GLIS3: variants seen among roughly 807,000 people sequenced by gnomAD.
GLIS3 encodes the protein GLIS family zinc finger 3.
A neutral mutation model predicts 78.6 loss-of-function variants in GLIS3; 53 were observed. That is an observed-to-expected ratio of 0.67 (90% CI 0.54 to 0.85). GLIS3 has a LOEUF of 0.85. GLIS3 is among the 40% of genes least tolerant of loss of function. The pLI, the probability that GLIS3 is intolerant of heterozygous loss-of-function variation, is 0.00. For missense variants in GLIS3, 1,703 were observed against 1,231.1 expected (o/e 1.38, Z -5.74); for synonymous variants, 684 against 509.9 (o/e 1.34, Z -4.60).
intron 1 of GLIS3, among the ~76,000 whole-genome samples, chr9:4,347,848 T>G (rs1001387330): frequency 6.6e-6 from 1 of 152,222 alleles, no homozygotes; most frequent in Non-Finnish European, 1.5e-5. Context: ...TGGGTAATTT[T>G]TTTAGCCTTT....
the GLIS3 span, among the ~76,000 whole-genome samples, chr9:4,429,728 A>G: frequency 6.6e-6 from 1 of 152,170 alleles, no homozygotes; most frequent in Admixed American, 6.5e-5. Flanking sequence ...TCTGTGTCAG[A>G]CACAGAGTAA....
the GLIS3 span, among the ~76,000 whole-genome samples, chr9:4,457,520 C>A: frequency 2.0e-5 from 3 of 151,988 alleles, no homozygotes; most frequent in African/African-American, 7.3e-5. Context: ...TGGACACATA[C>A]ATCTTTGGGC....
intron 2 of GLIS3, among the ~76,000 whole-genome samples, chr9:4,240,530 TA>T (rs1192720104): frequency 6.6e-6 from 1 of 152,020 alleles, no homozygotes; most frequent in Non-Finnish European, 1.5e-5. Context: ...AAAAAACTAG[TA>T]AAAATTATAA....
At chr9:4,013,051 G>A (rs1318431403) in intron 4 of GLIS3, among the ~76,000 whole-genome samples, 2 of 152,118 alleles carry the variant, frequency 1.3e-5, no homozygotes, top group Admixed American at 6.5e-5. Context: ...GGGATTACAG[G>A]TGTCTCTGGT....
At chr9:4,026,126 T>C (rs957146014) in intron 4 of GLIS3, among the ~76,000 whole-genome samples, 3 of 152,202 alleles carry the variant, frequency 2.0e-5, no homozygotes, top group African/African-American at 7.2e-5. Flanking sequence ...CTACAAAGGC[T>C]TTCTTCCAAC....
chr9:4,098,502 T>C (rs144531737), intron 4 of GLIS3, among the ~76,000 whole-genome samples: 147 of 152,284 alleles, frequency 9.7e-4, no homozygotes, highest in Non-Finnish European at 1.3e-3. Flanking sequence ...ACCCATAGGT[T>C]TGGCAGCAGA....
chr9:4,143,648 C>T (rs1176763132), intron 2 of GLIS3, among the ~76,000 whole-genome samples: 1 of 152,186 alleles, frequency 6.6e-6, no homozygotes, highest in Non-Finnish European at 1.5e-5. Context: ...ATGGTCACCA[C>T]ATTGTGCATG....
upstream of GLIS3, among the ~76,000 whole-genome samples, chr9:4,304,582 A>G (rs1817180035): frequency 1.3e-5 from 2 of 152,194 alleles, no homozygotes; most frequent in Admixed American, 6.5e-5. Context: ...AAAAGGGAAG[A>G]AAAGAAATGG....
intron 4 of GLIS3, among the ~76,000 whole-genome samples, chr9:3,991,609 C>T (rs1446640414): frequency 2.0e-5 from 3 of 150,262 alleles, no homozygotes; most frequent in Non-Finnish European, 4.4e-5. Flanking sequence ...ATTATACTTT[C>T]ATATTTTAAC....
intron 2 of GLIS3, among the ~76,000 whole-genome samples, chr9:4,237,019 T>C (rs1411489791): frequency 6.6e-6 from 1 of 152,096 alleles, no homozygotes; most frequent in Non-Finnish European, 1.5e-5. Context: ...ATTAGGCACA[T>C]GTGGCCACTC....
intron 2 of GLIS3, among the ~76,000 whole-genome samples, chr9:4,273,406 A>G (rs1254273068): frequency 6.6e-6 from 1 of 151,972 alleles, no homozygotes; most frequent in African/African-American, 2.4e-5. Flanking sequence ...ACCAGCCTGG[A>G]AAACACAGGG....
At chr9:4,008,430 T>C (rs1415441449) in intron 4 of GLIS3, among the ~76,000 whole-genome samples, 1 of 152,120 alleles carries the variant, frequency 6.6e-6, no homozygotes, top group Non-Finnish European at 1.5e-5. Context: ...ACAGAATGTG[T>C]TTGTTCAAAA....
chr9:4,453,288 C>CA, the GLIS3 span, among the ~76,000 whole-genome samples: 5 of 109,726 alleles, frequency 4.6e-5, no homozygotes, highest in East Asian at 1.5e-3. Context: ...AAAGCAATGG[C>CA]AACAAAAGTC....
chr9:4,286,657 G>C (rs1828027777), intron 1 of GLIS3, 134 bp from the exon 2 acceptor site: 1 of 583,956 alleles, frequency 1.7e-6, no homozygotes. Context: ...ATGTAGAAAA[G>C]GGTCCTCAAA....
At chr9:3,862,785 A>T (rs1375821788) in intron 8 of GLIS3, among the ~76,000 whole-genome samples, 2 of 152,180 alleles carry the variant, frequency 1.3e-5, no homozygotes, top group African/African-American at 4.8e-5. Context: ...CGGCGGCTAC[A>T]GACCTCCCAA....
intron 5 of GLIS3, among the ~76,000 whole-genome samples, chr9:3,936,016 C>A (rs1346467952): frequency 6.6e-6 from 1 of 152,128 alleles, no homozygotes; most frequent in Non-Finnish European, 1.5e-5. Flanking sequence ...TCAACTATAA[C>A]ATCAGAAGAA....
At chr9:4,088,523 C>A (rs558232673) in intron 4 of GLIS3, among the ~76,000 whole-genome samples, 24 of 152,326 alleles carry the variant, frequency 1.6e-4, no homozygotes, top group Non-Finnish European at 2.9e-4. Context: ...TGTCCTTAAA[C>A]CAACTTTGAA....
chr9:4,030,172 T>C (rs1045286279), intron 4 of GLIS3, among the ~76,000 whole-genome samples: 6 of 152,224 alleles, frequency 3.9e-5, no homozygotes, highest in African/African-American at 1.4e-4. Flanking sequence ...CCTCGTAGTT[T>C]TGATTTGCAT....
chr9:3,990,442 A>G (rs562655581), intron 4 of GLIS3, among the ~76,000 whole-genome samples: 59 of 152,318 alleles, frequency 3.9e-4, no homozygotes, highest in African/African-American at 1.3e-3. Flanking sequence ...CTCATGATGG[A>G]AAGAAAACCA....
Sources: gnomAD v4.1 joint callset for allele counts (sites outside exome capture counted in the v4.1 genomes callset) on GRCh38, gnomAD v4.1.1 for gene constraint, MANE v1.5 for transcripts, NCBI Gene and HGNC (gene_info 2026-07-23, HGNC 2026-07-21) for gene names.